CTNNA2: variants seen among roughly 807,000 people sequenced by gnomAD.
CTNNA2 encodes catenin alpha-2.
Under a neutral mutation model 101.0 loss-of-function variants are expected in CTNNA2, and 42 were observed. That is an observed-to-expected ratio of 0.42 (90% CI 0.32 to 0.54). The LOEUF (loss-of-function observed/expected upper bound fraction) is 0.54, where lower values mean the gene tolerates loss of function less well. Among genes scored for constraint, CTNNA2 ranks in the 20% least tolerant of loss-of-function variants. The pLI is 0.14. For missense variants in CTNNA2, 871 were observed against 1,223.1 expected, an observed-to-expected ratio of 0.71 and a Z score of 4.29; for synonymous variants, 450 against 456.4, an observed-to-expected ratio of 0.99 and a Z score of 0.18.
chr2:79,910,622 G>T (rs1018215207), intron 7 of CTNNA2, among the ~76,000 whole-genome samples: 2 of 152,174 alleles, frequency 1.3e-5, no homozygotes, highest in Non-Finnish European at 2.9e-5. Flanking sequence ...GGGGAAAAAT[G>T]TAGATAAAGT....
intron 3 of CTNNA2, among the ~76,000 whole-genome samples, chr2:79,848,949 G>A (rs1283630394): frequency 2.6e-5 from 4 of 152,042 alleles, no homozygotes; most frequent in Admixed American, 6.5e-5. Context: ...TCCCTGACTG[G>A]GATGTCAGGA....
At chr2:79,795,034 T>G (rs2105270738) in intron 3 of CTNNA2, among the ~76,000 whole-genome samples, 1 of 152,348 alleles carries the variant, frequency 6.6e-6, no homozygotes, top group Non-Finnish European at 1.5e-5. Flanking sequence ...TGAATAAAAA[T>G]ATGTTCTAGC....
At chr2:79,653,073 C>G (rs908330289) in intron 2 of CTNNA2, among the ~76,000 whole-genome samples, 1 of 152,080 alleles carries the variant, frequency 6.6e-6, no homozygotes, top group Non-Finnish European at 1.5e-5. Flanking sequence ...TACAGACATT[C>G]CTACATAAAA....
At chr2:80,584,923 A>G (rs1558615957) in intron 14 of CTNNA2, among the ~76,000 whole-genome samples, 1 of 152,184 alleles carries the variant, frequency 6.6e-6, no homozygotes, top group African/African-American at 2.4e-5. Flanking sequence ...ACTTGAGTTA[A>G]TGGGACAACT....
At chr2:79,733,746 A>G (rs542837896) in intron 2 of CTNNA2, among the ~76,000 whole-genome samples, 22 of 152,248 alleles carry the variant, frequency 1.4e-4, no homozygotes, top group Non-Finnish European at 5.9e-5. Context: ...AAATCAATAT[A>G]GAGTCCTCAT....
chr2:80,213,670 C>T (rs1201528238), intron 7 of CTNNA2, among the ~76,000 whole-genome samples: 2 of 152,296 alleles, frequency 1.3e-5, no homozygotes, highest in Admixed American at 1.3e-4. Flanking sequence ...TGGTGTGGTG[C>T]TGAAAAGAAT....
chr2:79,511,437 G>GTGT (rs559505186), upstream of CTNNA2, among the ~76,000 whole-genome samples: 79 of 152,300 alleles, frequency 5.2e-4, 2 homozygotes, highest in African/African-American at 1.8e-3. Context: ...ACTTCATGAA[G>GTGT]CACATCGTGT....
chr2:79,537,927 C>T (rs562058062), intron 1 of CTNNA2, among the ~76,000 whole-genome samples: 12 of 152,034 alleles, frequency 7.9e-5, no homozygotes, highest in Non-Finnish European at 1.8e-4. Context: ...CATCATTTTA[C>T]ATATGCATGG....
At chr2:80,233,753 A>G (rs1033600210) in intron 7 of CTNNA2, among the ~76,000 whole-genome samples, 48 of 152,154 alleles carry the variant, frequency 3.2e-4, no homozygotes, top group African/African-American at 1.1e-3. Context: ...CCATACCTTT[A>G]GGACACCCAC....
intron 7 of CTNNA2, among the ~76,000 whole-genome samples, chr2:80,056,390 G>A (rs1697215217): frequency 2.0e-5 from 3 of 152,170 alleles, no homozygotes; most frequent in African/African-American, 4.8e-5. Context: ...GGGTGACCTT[G>A]TTTCCAACTA....
intron 7 of CTNNA2, among the ~76,000 whole-genome samples, chr2:80,182,198 C>T (rs1310661840): frequency 6.6e-6 from 1 of 152,108 alleles, no homozygotes; most frequent in African/African-American, 2.4e-5. Context: ...GTAACCAAAG[C>T]CCAAGAGCCC....
At chr2:80,206,080 C>G (rs1180475068) in intron 7 of CTNNA2, among the ~76,000 whole-genome samples, 2 of 152,186 alleles carry the variant, frequency 1.3e-5, no homozygotes, top group African/African-American at 4.8e-5. Flanking sequence ...TGCCATAATA[C>G]TCTGACTCAC....
At chr2:79,365,817 G>T (rs1677737791) in intron 3 of CTNNA2, among the ~76,000 whole-genome samples, 1 of 152,114 alleles carries the variant, frequency 6.6e-6, no homozygotes, top group African/African-American at 2.4e-5. Flanking sequence ...CCTGCCAAGA[G>T]AGCCCAGGGA....
intron 7 of CTNNA2, among the ~76,000 whole-genome samples, chr2:79,920,652 C>G (rs1686589784): frequency 6.6e-6 from 1 of 152,206 alleles, no homozygotes; most frequent in Non-Finnish European, 1.5e-5. Context: ...TGATAAAACA[C>G]TCAGTGCATT....
Position 79,570,074 on chromosome 2 carries a change from G to T in CTNNA2, c.-6+56867G>T, listed in dbSNP as rs760245656. On this transcript the variant is annotated intron_variant, in intron 1 of 18. Transcript: ENST00000402739. ...TGTCTTAAACCAGAACTTCAATGTG[G>T]TGAATAAATTTGTATCCACATGCAT... Among the ~76,000 whole-genome samples the T allele has an allele frequency of 4.6e-5, 7 of 152,218 alleles. No homozygotes were observed. In the South Asian group the frequency reaches 8.3e-4, roughly 18 times the overall value.
intron 7 of CTNNA2, among the ~76,000 whole-genome samples, chr2:80,268,183 G>A (rs1339157910): frequency 6.6e-6 from 1 of 152,226 alleles, no homozygotes; most frequent in Non-Finnish European, 1.5e-5. Flanking sequence ...CATAGCCCTG[G>A]ACCCCAGATG....
At chr2:79,512,961 C>T (rs1014802669), upstream of CTNNA2, 3 of 151,786 alleles carry the variant, frequency 2.0e-5, no homozygotes, top group African/African-American at 2.4e-5. Flanking sequence ...CGCTGCCGCT[C>T]GCGCTTGGGC....
intron 2 of CTNNA2, among the ~76,000 whole-genome samples, chr2:79,695,061 T>G (rs1208372712): frequency 6.6e-6 from 1 of 150,558 alleles, no homozygotes; most frequent in Non-Finnish European, 1.5e-5. Flanking sequence ...AAAAGAAATC[T>G]TCTCTTTCAC....
intron 12 of CTNNA2, among the ~76,000 whole-genome samples, chr2:80,560,231 C>A (rs557884804): frequency 6.6e-6 from 1 of 151,936 alleles, no homozygotes; most frequent in African/African-American, 2.4e-5. Flanking sequence ...GAAGGTTTTT[C>A]GTTTTACAAC....
Sources: allele counts gnomAD v4.1 joint callset (sites outside exome capture counted in the v4.1 genomes callset), GRCh38; gene constraint gnomAD v4.1.1; transcripts MANE v1.5; gene names NCBI Gene and HGNC (gene_info 2026-07-23, HGNC 2026-07-21).